Variants in RGS17 observed in about 807,000 individuals in gnomAD.
RGS17 encodes the protein regulator of G-protein signaling 17.
RGS17 carries 12 observed loss-of-function variants against 25.5 expected under a neutral mutation model. That is an observed-to-expected ratio of 0.47 (90% CI 0.30 to 0.76). RGS17 has a LOEUF of 0.76. Ranked by LOEUF, RGS17 falls within the 30% of genes least tolerant of loss-of-function variation. The pLI, the probability that RGS17 is intolerant of heterozygous loss-of-function variation, is 0.07. For missense variants in RGS17, 196 were observed against 242.2 expected (o/e 0.81, Z 1.27); for synonymous variants, 71 against 76.9 (o/e 0.92, Z 0.40).
intron 1 of RGS17, among the ~76,000 whole-genome samples, chr6:153,054,041 A>C (rs1436166428): frequency 1.4e-5 from 1 of 70,488 alleles, no homozygotes; most frequent in Non-Finnish European, 2.6e-5. Flanking sequence ...ATACATATAT[A>C]TGTATATATG....
chr6:153,030,624 G>A (rs117649050), intron 2 of RGS17, among the ~76,000 whole-genome samples: 3,289 of 152,146 alleles, frequency 0.022, 56 homozygotes, highest in Non-Finnish European at 0.028. Flanking sequence ...AAAGTTCCTG[G>A]TGCAAAAATG....
intron 1 of RGS17, among the ~76,000 whole-genome samples, chr6:153,085,940 G>C (rs1356853610): frequency 6.6e-6 from 1 of 152,026 alleles, no homozygotes; most frequent in Admixed American, 6.5e-5. Flanking sequence ...TTCTAACCTG[G>C]TCACTTTTAT....
chr6:153,058,845 A>T (rs1313538635), intron 1 of RGS17, among the ~76,000 whole-genome samples: 2 of 152,126 alleles, frequency 1.3e-5, no homozygotes, highest in African/African-American at 4.8e-5. Context: ...TTACCTAAAA[A>T]GAGTTGTCCT....
chr6:153,101,455 T>C (rs148422689), intron 1 of RGS17, among the ~76,000 whole-genome samples: 83 of 152,286 alleles, frequency 5.5e-4, no homozygotes, highest in African/African-American at 1.8e-3. Context: ...CTATTAGTGA[T>C]CATATTGTAT....
rs187100226 is a variant in RGS17, at chr6:153,072,077, C to A, written c.-25-28034G>T. Among the ~76,000 whole-genome samples, 179 of 152,186 alleles carry A rather than the reference C, an allele frequency of 1.2e-3. 1 individual carries two copies. Among genetic ancestry groups the A allele is most frequent in the Middle Eastern group, 3.4e-3 (1 of 294 alleles). ...CTACAAGTCTTTTGAGGCTAAGAAT[C>A]CTATCACATTATTACTTGTATTCCC... On this transcript the variant is annotated intron_variant, in intron 1 of 4. Transcript: ENST00000206262.
chr6:153,119,665 C>A (rs1777596826), intron 1 of RGS17, among the ~76,000 whole-genome samples: 1 of 152,168 alleles, frequency 6.6e-6, no homozygotes, highest in African/African-American at 2.4e-5. Flanking sequence ...TGCACTCCAG[C>A]CTGGGCAACA....
chr6:153,120,369 A>G (rs1777608924), intron 1 of RGS17, among the ~76,000 whole-genome samples: 1 of 152,200 alleles, frequency 6.6e-6, no homozygotes, highest in Non-Finnish European at 1.5e-5. Context: ...CCAGACTCAT[A>G]GGCTAAAATG....
intron 1 of RGS17, among the ~76,000 whole-genome samples, chr6:153,125,149 CTTGAATTA>C (rs1777686517): frequency 6.6e-6 from 1 of 152,218 alleles, no homozygotes; most frequent in East Asian, 1.9e-4. Flanking sequence ...TGCCATGGCT[CTTGAATTA>C]TAACCTGTGT....
chr6:153,100,385 C>T (rs1777282422), intron 1 of RGS17, among the ~76,000 whole-genome samples: 1 of 152,106 alleles, frequency 6.6e-6, no homozygotes, highest in South Asian at 2.1e-4. Context: ...CCGTATCAAC[C>T]TTTGACTAGA....
intron 1 of RGS17, among the ~76,000 whole-genome samples, chr6:153,111,366 C>G (rs185364289): frequency 6.6e-6 from 1 of 152,162 alleles, no homozygotes; most frequent in Non-Finnish European, 1.5e-5. Flanking sequence ...TCTGCCAGGC[C>G]GCTGTAGCCA....
At chr6:153,041,582 C>G (rs945922653) in intron 2 of RGS17, among the ~76,000 whole-genome samples, 2 of 152,148 alleles carry the variant, frequency 1.3e-5, no homozygotes, top group African/African-American at 2.4e-5. Flanking sequence ...CACAAAGAAA[C>G]TTCAGTATTC....
chr6:153,071,001 A>T (rs1025310140), intron 1 of RGS17, among the ~76,000 whole-genome samples: 1 of 150,484 alleles, frequency 6.6e-6, no homozygotes, highest in Non-Finnish European at 1.5e-5. Context: ...ATATATGTAC[A>T]TGTGTATATG....
chr6:153,028,527 A>T (rs1439325392), intron 2 of RGS17, among the ~76,000 whole-genome samples: 1 of 152,190 alleles, frequency 6.6e-6, no homozygotes, highest in Non-Finnish European at 1.5e-5. Flanking sequence ...AGTATTTTAG[A>T]GGAGATTCAT....
At chr6:153,090,443 T>G (rs1186605809) in intron 1 of RGS17, among the ~76,000 whole-genome samples, 1 of 138,854 alleles carries the variant, frequency 7.2e-6, no homozygotes, top group Non-Finnish European at 1.5e-5. Flanking sequence ...AAACCTCATC[T>G]CTACTGAAAA....
intron 4 of RGS17, among the ~76,000 whole-genome samples, chr6:153,017,564 A>C (rs150765366): frequency 4.2e-4 from 64 of 152,224 alleles, no homozygotes; most frequent in African/African-American, 1.4e-3. Flanking sequence ...CCAACTTTTC[A>C]CCCTGCCTTT....
At position 153,010,412 on chromosome 6, in the gene RGS17, T is replaced by TA. The variant is rs1349548400; in HGVS notation, c.*1161dup. 1 of 147,534 alleles carries TA rather than the reference T, an allele frequency of 6.8e-6. No individual in the cohort carries two copies. Among genetic ancestry groups the TA allele is most frequent in the Non-Finnish European group, 1.5e-5 (1 of 65,300 alleles). The allele number at this position is 147,534 out of a possible 1,614,324, so 9.1% of individuals were successfully genotyped here. Reference sequence around the variant, plus strand: ...CTGCCTTTTAATGATGGATGAAAACTAATAGTTTGGTTTAAACATCTTTAA... The same window carrying TA: ...CTGCCTTTTAATGATGGATGAAAACTAAATAGTTTGGTTTAAACATCTTTAA... On this transcript the variant is annotated 3_prime_UTR_variant, in exon 5 of 5. Coordinates refer to ENST00000206262, the MANE Select transcript of RGS17 (RefSeq NM_012419.5).
At chr6:153,033,105 T>A (rs1167776766) in intron 2 of RGS17, among the ~76,000 whole-genome samples, 1 of 152,202 alleles carries the variant, frequency 6.6e-6, no homozygotes, top group African/African-American at 2.4e-5. Context: ...AATTTCTTCA[T>A]TCTCTGATTC....
chr6:153,054,739 TA>T (rs11389990), intron 1 of RGS17, among the ~76,000 whole-genome samples: 1 of 151,188 alleles, frequency 6.6e-6, no homozygotes, highest in Non-Finnish European at 1.5e-5. Flanking sequence ...TCAACCGGCT[TA>T]AAAAAAACAT....
Position 153,005,069 on chromosome 6 carries a change from A to C in RGS17, c.*6505T>G, listed in dbSNP as rs1779059998. 6.6e-6 allele frequency: 1 copy of C among 152,248 alleles called. No homozygotes were observed. The highest frequency in any genetic ancestry group is 2.4e-5 in the African/African-American group (1 of 41,472). 9.4% of individuals were successfully genotyped at this position (152,248 alleles called of 1,614,324 possible). On this transcript the variant is annotated 3_prime_UTR_variant, in exon 5 of 5. Coordinates refer to ENST00000206262, the MANE Select transcript of RGS17 (RefSeq NM_012419.5). ...AAGGTGTTTATGACAAATCGGTTAAAGCTAGCGGGAAATAGGTCTTTTACA... is the reference window on the plus strand; with the variant it reads ...AAGGTGTTTATGACAAATCGGTTAACGCTAGCGGGAAATAGGTCTTTTACA...
Sources: allele counts gnomAD v4.1 joint callset (sites outside exome capture counted in the v4.1 genomes callset), GRCh38; gene constraint gnomAD v4.1.1; transcripts MANE v1.5; gene names NCBI Gene and HGNC (gene_info 2026-07-23, HGNC 2026-07-21).